Variants in CACHD1 observed in about 807,000 individuals in gnomAD.
CACHD1 encodes VWFA and cache domain-containing protein 1.
In CACHD1, 71 loss-of-function variants were observed where a neutral mutation model predicts 138.7. That is an observed-to-expected ratio of 0.51 (90% CI 0.42 to 0.62). The LOEUF (loss-of-function observed/expected upper bound fraction) is 0.62, where lower values mean the gene tolerates loss of function less well. Ranked by LOEUF, CACHD1 falls within the 20% of genes least tolerant of loss-of-function variation. The pLI is 0.00. For synonymous variants in CACHD1, 578 were observed against 591.5 expected (o/e 0.98, Z 0.33); for missense variants, 1,389 against 1,625.3 (o/e 0.85, Z 2.50).
chr1:64,596,539 C>T (rs1371269654), intron 3 of CACHD1, among the ~76,000 whole-genome samples: 1 of 152,036 alleles, frequency 6.6e-6, no homozygotes. Context: ...GGGTTTTTGC[C>T]GCCTTTGTTT....
chr1:64,544,678 C>A (rs959136458), intron 1 of CACHD1, among the ~76,000 whole-genome samples: 1 of 150,802 alleles, frequency 6.6e-6, no homozygotes. Flanking sequence ...GAACTGTATT[C>A]AACTGTTATT....
At chr1:64,540,801 A>G (rs1315601454) in intron 1 of CACHD1, among the ~76,000 whole-genome samples, 1 of 152,240 alleles carries the variant, frequency 6.6e-6, no homozygotes, top group African/African-American at 2.4e-5. Context: ...GATGGAGTGA[A>G]CCAAAATAGG....
intron 1 of CACHD1, among the ~76,000 whole-genome samples, chr1:64,485,354 C>T (rs1646236193): frequency 6.6e-6 from 1 of 152,186 alleles, no homozygotes; most frequent in Non-Finnish European, 1.5e-5. Flanking sequence ...TCGATATATT[C>T]TCCATATCTA....
intron 2 of CACHD1, among the ~76,000 whole-genome samples, chr1:64,581,650 G>A (rs1647013433): frequency 6.6e-6 from 1 of 152,124 alleles, no homozygotes; most frequent in Admixed American, 6.6e-5. Context: ...CCATTCACAT[G>A]GAAGACTGAG....
At chr1:64,566,783 A>G (rs190275124) in intron 2 of CACHD1, among the ~76,000 whole-genome samples, 348 of 152,142 alleles carry the variant, frequency 2.3e-3, no homozygotes, top group Non-Finnish European at 4.1e-3. Flanking sequence ...TCTTTTTAAA[A>G]CATGCAACAA....
chr1:64,681,001 C>T (rs1650154872), intron 24 of CACHD1, among the ~76,000 whole-genome samples: 1 of 152,152 alleles, frequency 6.6e-6, no homozygotes. Context: ...GATTTGTTGG[C>T]CTCAATCAAC....
rs780619270 is a variant in CACHD1 at position 64,658,663 on chromosome 1, C to G, written c.1783-42C>G. ...ATGCAAAGTCCCTGTCCCCATGGAA[C>G]CCTCATTTTCTAGGTCAGAAATTCT... is the stretch of plus-strand genomic sequence containing the variant. On this transcript the variant is annotated intron_variant, in intron 12 of 26. Transcript: ENST00000651257. 1.3e-5 allele frequency: 20 copies of G among 1,506,746 alleles called. No homozygotes were observed. The Admixed American group carries it at 2.2e-4, about 17-fold the overall frequency. The allele number at this position is 1,506,746 out of a possible 1,614,324, so 93.3% of individuals were successfully genotyped here.
At chr1:64,603,099 C>CTTT (rs34372401) in intron 4 of CACHD1, among the ~76,000 whole-genome samples, 187 bp downstream of exon 4, 53 of 64,928 alleles carry the variant, frequency 8.2e-4, no homozygotes, top group African/African-American at 1.7e-3. Context: ...AAGCTTACAT[C>CTTT]TTTTTTTTTT....
chr1:64,476,005 G>A (rs1286436178), intron 1 of CACHD1, among the ~76,000 whole-genome samples: 2 of 152,280 alleles, frequency 1.3e-5, no homozygotes, highest in East Asian at 3.9e-4. Flanking sequence ...GAGCATAGAG[G>A]AGCCTTGCCC....
Position 64,692,313 on chromosome 1 carries a change from A to G in CACHD1, c.*752A>G, listed in dbSNP as rs1304984769. On this transcript the variant is annotated 3_prime_UTR_variant, in exon 27 of 27. Coordinates refer to ENST00000651257, the MANE Select transcript of CACHD1 (RefSeq NM_020925.4). ...AAATCTTTCTCTCTGACTTGTTTAC[A>G]TCATTTCACGGAAACACATCTTTGT... The G allele has an allele frequency of 2.0e-5, 3 of 152,238 alleles. No individual in the cohort carries two copies. The highest frequency in any genetic ancestry group is 4.4e-5 in the Non-Finnish European group (3 of 68,052). 9.4% of individuals were successfully genotyped at this position (152,238 alleles called of 1,614,324 possible).
chr1:64,657,234 C>A (rs1438628395), intron 12 of CACHD1, among the ~76,000 whole-genome samples: 3 of 152,130 alleles, frequency 2.0e-5, no homozygotes, highest in African/African-American at 4.8e-5. Context: ...CACTCCCAAC[C>A]CATAGAGAGC....
intron 1 of CACHD1, among the ~76,000 whole-genome samples, chr1:64,495,917 T>C (rs1278069092): frequency 6.6e-6 from 1 of 152,168 alleles, no homozygotes; most frequent in Non-Finnish European, 1.5e-5. Flanking sequence ...AAAAAGAACA[T>C]GTATGGACTT....
At chr1:64,499,806 A>G (rs1646327372) in intron 1 of CACHD1, among the ~76,000 whole-genome samples, 2 of 152,238 alleles carry the variant, frequency 1.3e-5, no homozygotes, top group African/African-American at 2.4e-5. Flanking sequence ...ATAATAAAGA[A>G]GCACATATTA....
chr1:64,646,251 A>G (rs1381396680), intron 8 of CACHD1, among the ~76,000 whole-genome samples: 1 of 152,002 alleles, frequency 6.6e-6, no homozygotes, highest in African/African-American at 2.4e-5. Context: ...TCAGGTACCA[A>G]TCGTGTCTTT....
intron 1 of CACHD1, among the ~76,000 whole-genome samples, chr1:64,504,104 C>G (rs1405295966): frequency 6.6e-6 from 1 of 152,202 alleles, no homozygotes; most frequent in African/African-American, 2.4e-5. Flanking sequence ...TTATGGCTCA[C>G]TGTAACCCCC....
chr1:64,520,192 C>G (rs1055461189), intron 1 of CACHD1, among the ~76,000 whole-genome samples: 5 of 152,208 alleles, frequency 3.3e-5, no homozygotes, highest in Admixed American at 3.3e-4. Flanking sequence ...ACTTAGGGGA[C>G]AAGCCTATCA....
chr1:64,688,774 C>A (rs190662668), intron 26 of CACHD1, among the ~76,000 whole-genome samples: 2 of 152,174 alleles, frequency 1.3e-5, no homozygotes, highest in East Asian at 3.9e-4. Flanking sequence ...CCGCCCCAAC[C>A]CCCAGCACCA....
chr1:64,679,184 C>T (rs993346613), intron 23 of CACHD1, among the ~76,000 whole-genome samples: 17 of 152,140 alleles, frequency 1.1e-4, no homozygotes, highest in Non-Finnish European at 1.6e-4. Context: ...AAACTTGATC[C>T]GGTTAGCGCA....
At chr1:64,517,572 G>T (rs1398357980) in intron 1 of CACHD1, among the ~76,000 whole-genome samples, 2 of 152,110 alleles carry the variant, frequency 1.3e-5, no homozygotes, top group African/African-American at 4.8e-5. Flanking sequence ...GATTCTCTGG[G>T]CAGAGCTTGG....
Sources: allele counts gnomAD v4.1 joint callset (sites outside exome capture counted in the v4.1 genomes callset), GRCh38; gene constraint gnomAD v4.1.1; transcripts MANE v1.5; gene names NCBI Gene and HGNC (gene_info 2026-07-23, HGNC 2026-07-21).